The following SPSB4 variants were observed in gnomAD, a reference collection of about 807,000 sequenced individuals.
SPSB4 encodes the protein SPRY domain-containing SOCS box protein 4.
A neutral mutation model predicts 20.9 loss-of-function variants in SPSB4; 21 were observed. The ratio of observed to expected loss-of-function variants is 1.01; its 90% CI spans 0.71 to 1.45. The LOEUF is 1.45. SPSB4 is among the 40% of genes most tolerant of loss of function. The pLI is 0.00. For synonymous variants in SPSB4, 207 were observed against 183.8 expected (o/e 1.13, Z -1.02); for missense variants, 399 against 399.2 (o/e 1.00, Z 0.00).
At chr3:141,084,299 C>T (rs1938301060) in intron 2 of SPSB4, among the ~76,000 whole-genome samples, 2 of 152,154 alleles carry the variant, frequency 1.3e-5, no homozygotes, top group South Asian at 2.1e-4. Context: ...GGGCCTCTAA[C>T]CGTCCCTTCC....
At chr3:141,076,068 A>C (rs776675576) in intron 2 of SPSB4, among the ~76,000 whole-genome samples, 8 of 143,036 alleles carry the variant, frequency 5.6e-5, no homozygotes, top group Non-Finnish European at 1.0e-4. Flanking sequence ...CAAAAAAGTA[A>C]AAAATAAATA....
chr3:141,116,583 T>G (rs1043834013), intron 2 of SPSB4, among the ~76,000 whole-genome samples: 1 of 152,228 alleles, frequency 6.6e-6, no homozygotes, highest in Non-Finnish European at 1.5e-5. Flanking sequence ...ACCACTTAAC[T>G]GTGACCTTGA....
At chr3:141,083,450 T>G (rs945345074) in intron 2 of SPSB4, among the ~76,000 whole-genome samples, 3 of 152,162 alleles carry the variant, frequency 2.0e-5, no homozygotes, top group African/African-American at 7.2e-5. Context: ...CACTTGGGGC[T>G]TAGCTCTGCC....
At chr3:141,139,398 T>C (rs1939284470) in intron 2 of SPSB4, among the ~76,000 whole-genome samples, 1 of 152,246 alleles carries the variant, frequency 6.6e-6, no homozygotes, top group Admixed American at 6.5e-5. Flanking sequence ...CTGGCTATTT[T>C]GCTCGTTAGT....
intron 2 of SPSB4, among the ~76,000 whole-genome samples, chr3:141,091,776 C>T (rs1938453579): frequency 1.3e-5 from 2 of 152,210 alleles, no homozygotes; most frequent in Non-Finnish European, 2.9e-5. Flanking sequence ...AATGGCACTG[C>T]CCACTACAGG....
At chr3:141,084,016 G>A (rs1352914583) in intron 2 of SPSB4, among the ~76,000 whole-genome samples, 1 of 151,994 alleles carries the variant, frequency 6.6e-6, no homozygotes, top group Non-Finnish European at 1.5e-5. Context: ...TCTGCTCTTT[G>A]GCGTCATCAT....
chr3:141,114,452 T>A (rs1938854162), intron 2 of SPSB4, among the ~76,000 whole-genome samples: 2 of 152,262 alleles, frequency 1.3e-5, no homozygotes, highest in Non-Finnish European at 2.9e-5. Flanking sequence ...TCACCGGCTC[T>A]GCAATATTGT....
intron 2 of SPSB4, among the ~76,000 whole-genome samples, chr3:141,126,161 T>C (rs1360843757): frequency 2.0e-5 from 3 of 152,138 alleles, no homozygotes; most frequent in Non-Finnish European, 4.4e-5. Flanking sequence ...TTCAGTGGCC[T>C]CAGACAGGAA....
intron 2 of SPSB4, among the ~76,000 whole-genome samples, chr3:141,144,940 C>T (rs1939388446): frequency 2.0e-5 from 3 of 152,060 alleles, no homozygotes; most frequent in Non-Finnish European, 4.4e-5. Context: ...AGATGGGGGA[C>T]AGGGAGTGGG....
At chr3:141,076,381 C>T (rs967488012) in intron 2 of SPSB4, among the ~76,000 whole-genome samples, 11 of 152,230 alleles carry the variant, frequency 7.2e-5, no homozygotes, top group South Asian at 2.1e-4. Flanking sequence ...GCAGTGTACA[C>T]GAGTAAATCC....
intron 2 of SPSB4, among the ~76,000 whole-genome samples, chr3:141,129,980 G>GT (rs1166734287): frequency 6.6e-6 from 1 of 152,230 alleles, no homozygotes; most frequent in Non-Finnish European, 1.5e-5. Flanking sequence ...TGCTGCTTGT[G>GT]TCCCAGCTGT....
chr3:141,064,189 G>A (rs144263813), intron 1 of SPSB4, among the ~76,000 whole-genome samples: 169 of 152,372 alleles, frequency 1.1e-3, no homozygotes, highest in African/African-American at 4.0e-3. Context: ...GTCTTCTCTA[G>A]GTGTTTTCTC....
At chr3:141,076,440 G>A (rs1044264100) in intron 2 of SPSB4, among the ~76,000 whole-genome samples, 5 of 152,198 alleles carry the variant, frequency 3.3e-5, no homozygotes, top group African/African-American at 1.2e-4. Flanking sequence ...GTTTGGCAAG[G>A]GATTACTGCA....
intron 2 of SPSB4, among the ~76,000 whole-genome samples, chr3:141,112,669 A>AAAAAAAAAT (rs1938820827): frequency 6.8e-6 from 1 of 148,084 alleles, no homozygotes; most frequent in Non-Finnish European, 1.5e-5. Flanking sequence ...AAAAAAAAAA[A>AAAAAAAAAT]GACAGAAGGA....
chr3:141,091,841 C>G (rs1351424076), intron 2 of SPSB4, among the ~76,000 whole-genome samples: 4 of 152,084 alleles, frequency 2.6e-5, no homozygotes, highest in Non-Finnish European at 5.9e-5. Flanking sequence ...CAGGCTGCAA[C>G]CTACAGAGGT....
At chr3:141,136,710 G>T (rs1435229779) in intron 2 of SPSB4, among the ~76,000 whole-genome samples, 3 of 152,230 alleles carry the variant, frequency 2.0e-5, no homozygotes, top group South Asian at 2.1e-4. Flanking sequence ...TCTCTGTTTT[G>T]GTACCAGTAC....
chr3:141,131,364 G>A (rs1279571782), intron 2 of SPSB4, among the ~76,000 whole-genome samples: 1 of 151,954 alleles, frequency 6.6e-6, no homozygotes, highest in South Asian at 2.1e-4. Flanking sequence ...ACTTATTTTT[G>A]AAGTATAAGA....
chr3:141,084,396 C>T (rs963806445), intron 2 of SPSB4, among the ~76,000 whole-genome samples: 9 of 152,088 alleles, frequency 5.9e-5, no homozygotes, highest in African/African-American at 1.9e-4. Flanking sequence ...ATAAATCAAA[C>T]GGGTCCCTGG....
At chr3:141,060,207 G>A (rs1393182075) in intron 1 of SPSB4, among the ~76,000 whole-genome samples, 1 of 152,154 alleles carries the variant, frequency 6.6e-6, no homozygotes, top group Non-Finnish European at 1.5e-5. Context: ...GACCCAGTAT[G>A]GGCCAAGCCA....
Sources: allele counts gnomAD v4.1 joint callset (sites outside exome capture counted in the v4.1 genomes callset), GRCh38; gene constraint gnomAD v4.1.1; transcripts MANE v1.5; gene names NCBI Gene and HGNC (gene_info 2026-07-23, HGNC 2026-07-21).